CADM2: variants seen among roughly 807,000 people sequenced by gnomAD.
The protein encoded by CADM2 is cell adhesion molecule 2.
CADM2 carries 12 observed loss-of-function variants against 49.8 expected under a neutral mutation model. The observed-to-expected ratio is 0.24, with a 90% CI of 0.15 to 0.39. The LOEUF is 0.39. CADM2 is among the 10% of genes least tolerant of loss of function. CADM2 has a pLI of 1.00. For missense variants in CADM2, 378 were observed against 492.3 expected (o/e 0.77, Z 2.20); for synonymous variants, 214 against 175.4 (o/e 1.22, Z -1.74).
At chr3:85,511,848 C>A in intron 1 of CADM2, 2 of 981,438 alleles carry the variant, frequency 2.0e-6, no homozygotes, top group Non-Finnish European at 2.4e-6. Flanking sequence ...TTATTTCTTT[C>A]TGTTTTAGGT....
chr3:85,142,790 A>G (rs987010808), intron 1 of CADM2, among the ~76,000 whole-genome samples: 2 of 152,178 alleles, frequency 1.3e-5, no homozygotes, highest in African/African-American at 4.8e-5. Context: ...TTTCAGCCAT[A>G]TTAACCAGCC....
chr3:85,453,644 C>A lies in CADM2; in HGVS notation c.62-272878C>A, dbSNP rs572842955. On this transcript the variant is annotated intron_variant, in intron 1 of 9. Transcript: ENST00000383699. ...AATGACAGAATGGAAAATTACTGTACGTGGATTCAAAAATAATGGTGAATG... is the reference window on the plus strand; with the variant it reads ...AATGACAGAATGGAAAATTACTGTAAGTGGATTCAAAAATAATGGTGAATG... 1.3e-4 allele frequency among the ~76,000 whole-genome samples: 20 copies of A among 151,830 alleles called. No homozygotes were observed. In the South Asian group the frequency reaches 2.3e-3, roughly 17 times the overall value.
chr3:85,737,172 A>G (rs1166714890), intron 2 of CADM2, among the ~76,000 whole-genome samples: 1 of 152,162 alleles, frequency 6.6e-6, no homozygotes, highest in Admixed American at 6.5e-5. Flanking sequence ...ACTGTGTAAG[A>G]CAAGTGAAAG....
At chr3:85,909,401 A>AATATATATATATAT (rs59251646) in intron 5 of CADM2, among the ~76,000 whole-genome samples, 101 of 147,390 alleles carry the variant, frequency 6.9e-4, no homozygotes, top group South Asian at 1.9e-3. Flanking sequence ...TGTAAAATGA[A>AATATATATATATAT]ATATATATAT....
chr3:85,042,277 GAGCATGAA>G (rs2035472933), intron 1 of CADM2, among the ~76,000 whole-genome samples: 1 of 152,118 alleles, frequency 6.6e-6, no homozygotes, highest in Non-Finnish European at 1.5e-5. Context: ...TAGTCGTCTT[GAGCATGAA>G]AGCAGTCTTC....
intron 1 of CADM2, among the ~76,000 whole-genome samples, chr3:84,974,638 C>T (rs2031693308): frequency 6.6e-6 from 1 of 151,906 alleles, no homozygotes; most frequent in South Asian, 2.1e-4. Context: ...TTAAGTAAGG[C>T]ATAGCTTTGG....
chr3:85,156,650 A>C (rs1009280878), intron 1 of CADM2, among the ~76,000 whole-genome samples: 2 of 152,180 alleles, frequency 1.3e-5, no homozygotes, highest in African/African-American at 2.4e-5. Context: ...CCTTCATGCT[A>C]AAAACTCTCA....
chr3:85,012,892 T>A (rs1280138633), intron 1 of CADM2, among the ~76,000 whole-genome samples: 2 of 151,832 alleles, frequency 1.3e-5, no homozygotes, highest in East Asian at 3.8e-4. Context: ...ATTCATTTAT[T>A]TGATATATAG....
At chr3:86,018,254 C>A in intron 8 of CADM2, among the ~76,000 whole-genome samples, 1 of 127,484 alleles carries the variant, frequency 7.8e-6, no homozygotes, top group East Asian at 2.2e-4. Flanking sequence ...ATATGTGCCA[C>A]ATTTTCTTAA....
chr3:85,401,424 C>T (rs958499259), intron 1 of CADM2, among the ~76,000 whole-genome samples: 2 of 152,100 alleles, frequency 1.3e-5, no homozygotes, highest in African/African-American at 2.4e-5. Context: ...AATCACTGTT[C>T]TGCAGATGGC....
intron 1 of CADM2, among the ~76,000 whole-genome samples, chr3:85,350,309 A>G (rs1198300659): frequency 6.6e-6 from 1 of 152,200 alleles, no homozygotes; most frequent in Non-Finnish European, 1.5e-5. Context: ...ATACTATGAC[A>G]AAACACATGT....
intron 8 of CADM2, among the ~76,000 whole-genome samples, chr3:86,027,505 G>T (rs1734040009): frequency 6.6e-6 from 1 of 152,062 alleles, no homozygotes; most frequent in Non-Finnish European, 1.5e-5. Context: ...GATCAGCATT[G>T]TCATAGAAAC....
intron 1 of CADM2, among the ~76,000 whole-genome samples, chr3:85,426,788 T>C (rs1003592269): frequency 6.6e-6 from 1 of 152,070 alleles, no homozygotes; most frequent in African/African-American, 2.4e-5. Flanking sequence ...TGGGAAAAGA[T>C]CCAGAACTAC....
At chr3:85,452,603 C>CTTTGTTCTTTG (rs2037801165) in intron 1 of CADM2, among the ~76,000 whole-genome samples, 1 of 152,006 alleles carries the variant, frequency 6.6e-6, no homozygotes, top group African/African-American at 2.4e-5. Context: ...ACAGTTGTTC[C>CTTTGTTCTTTG]AAACCATCAG....
chr3:84,960,731 T>C (rs576768171), intron 1 of CADM2, among the ~76,000 whole-genome samples: 1 of 152,266 alleles, frequency 6.6e-6, no homozygotes, highest in East Asian at 1.9e-4. Context: ...TTCACTTTTC[T>C]CCAGACCCTC....
intron 1 of CADM2, among the ~76,000 whole-genome samples, chr3:85,554,357 C>G (rs2061894947): frequency 6.6e-6 from 1 of 152,144 alleles, no homozygotes; most frequent in African/African-American, 2.4e-5. Context: ...CAGCGCACCT[C>G]CTGCTGTGTC....
chr3:85,125,883 T>TA (rs1317013358), intron 1 of CADM2, among the ~76,000 whole-genome samples: 1 of 152,236 alleles, frequency 6.6e-6, no homozygotes, highest in East Asian at 1.9e-4. Context: ...AAATTCTTTT[T>TA]ATCTGTAAAA....
At chr3:85,181,647 G>T (rs182955397) in intron 1 of CADM2, among the ~76,000 whole-genome samples, 1 of 151,774 alleles carries the variant, frequency 6.6e-6, no homozygotes, top group South Asian at 2.1e-4. Flanking sequence ...GGCTCACTGA[G>T]GTTTCTACAC....
chr3:85,058,349 A>G (rs2036172468), intron 1 of CADM2, among the ~76,000 whole-genome samples: 1 of 152,210 alleles, frequency 6.6e-6, no homozygotes. Flanking sequence ...GTGTATATAT[A>G]TATCTACTTT....
Sources: gnomAD v4.1 joint callset for allele counts (sites outside exome capture counted in the v4.1 genomes callset) on GRCh38, gnomAD v4.1.1 for gene constraint, MANE v1.5 for transcripts, NCBI Gene and HGNC (gene_info 2026-07-23, HGNC 2026-07-21) for gene names.